LEKR1: variants seen among roughly 807,000 people sequenced by gnomAD.
The protein encoded by LEKR1 is leucine, glutamate and lysine rich 1.
In LEKR1, 59 loss-of-function variants were observed where a neutral mutation model predicts 72.4. That is an observed-to-expected ratio of 0.82 (90% CI 0.66 to 1.01). LEKR1 has a LOEUF of 1.01. LEKR1 is among the 50% of genes least tolerant of loss of function. The pLI, the probability that LEKR1 is intolerant of heterozygous loss-of-function variation, is 0.00. For synonymous variants in LEKR1, 257 were observed against 263.2 expected (o/e 0.98, Z 0.23); for missense variants, 728 against 759.2 (o/e 0.96, Z 0.48).
intron 3 of LEKR1, among the ~76,000 whole-genome samples, chr3:156,856,144 T>C (rs549436781): frequency 6.6e-6 from 1 of 152,302 alleles, no homozygotes; most frequent in African/African-American, 2.4e-5. Context: ...ATTTTGTATA[T>C]AATTTGAGGT....
chr3:157,021,218 A>G (rs1733809637), intron 10 of LEKR1, among the ~76,000 whole-genome samples: 1 of 151,854 alleles, frequency 6.6e-6, no homozygotes, highest in African/African-American at 2.4e-5. Context: ...ATTTTCTCCC[A>G]TTTTATAGGT....
At chr3:156,899,323 TAC>T (rs1721564371) in intron 3 of LEKR1, among the ~76,000 whole-genome samples, 1 of 128,540 alleles carries the variant, frequency 7.8e-6, no homozygotes, top group African/African-American at 3.1e-5. Context: ...CATGTATATA[TAC>T]ATATATACAT....
At chr3:156,872,920 C>T (rs1476505177) in intron 3 of LEKR1, among the ~76,000 whole-genome samples, 2 of 151,920 alleles carry the variant, frequency 1.3e-5, no homozygotes, top group African/African-American at 4.8e-5. Flanking sequence ...TATTCTATAG[C>T]TGTTAGAGGA....
intron 2 of LEKR1, among the ~76,000 whole-genome samples, chr3:156,849,683 GC>G (rs1395572117): frequency 6.6e-6 from 1 of 152,186 alleles, no homozygotes; most frequent in Non-Finnish European, 1.5e-5. Context: ...AATAAATGAT[GC>G]TGGGAAAACT....
At chr3:156,844,510 A>G (rs1052049101) in intron 2 of LEKR1, among the ~76,000 whole-genome samples, 1 of 152,050 alleles carries the variant, frequency 6.6e-6, no homozygotes, top group Non-Finnish European at 1.5e-5. Context: ...CATTCACCTT[A>G]ACTTCCCCAA....
chr3:156,992,887 A>G (rs1445171119), intron 8 of LEKR1, among the ~76,000 whole-genome samples, 157 bp downstream of exon 8: 1 of 152,132 alleles, frequency 6.6e-6, no homozygotes, highest in Non-Finnish European at 1.5e-5. Context: ...GCAGTTGGTT[A>G]TTGCTGTTGC....
At position 157,005,999 on chromosome 3, in the gene LEKR1, A is replaced by ATTT. The variant is rs748719503; in HGVS notation, c.1110-5399_1110-5397dup. ...AAACCACAATAAGATACTACTATAC[A>ATTT]TTTTTTTTTTTTTTTTTGAGACGGA... On this transcript the variant is annotated intron_variant, in intron 9 of 12. Transcript: ENST00000356539. Among the ~76,000 whole-genome samples, 96 of 140,970 alleles carry ATTT rather than the reference A, an allele frequency of 6.8e-4. 1 individual carries two copies. The highest frequency in any genetic ancestry group is 4.0e-3 in the Middle Eastern group (1 of 250). The allele number at this position is 140,970 out of a possible 152,430, so 92.5% of individuals were successfully genotyped here. A position where few individuals can be genotyped will look rare whatever the true frequency, so the allele number is the denominator to read the frequency against.
At chr3:156,964,581 G>A (rs1728398362) in intron 6 of LEKR1, among the ~76,000 whole-genome samples, 1 of 152,040 alleles carries the variant, frequency 6.6e-6, no homozygotes, top group Non-Finnish European at 1.5e-5. Context: ...GAGTAGTTTT[G>A]TAGCATGAAA....
chr3:156,940,086 A>G (rs1194654285), intron 5 of LEKR1, among the ~76,000 whole-genome samples: 3 of 152,142 alleles, frequency 2.0e-5, no homozygotes, highest in African/African-American at 7.2e-5. Flanking sequence ...ATCTTCAACT[A>G]GTGGTATATT....
At chr3:156,920,447 A>G in intron 3 of LEKR1, 128 bp from the exon 4 acceptor site, 1 of 592,788 alleles carries the variant, frequency 1.7e-6, no homozygotes, top group Non-Finnish European at 2.8e-6. Flanking sequence ...CTGTACATTC[A>G]TATAGCATAT....
At chr3:156,887,956 A>G (rs972407892) in intron 3 of LEKR1, among the ~76,000 whole-genome samples, 2 of 152,200 alleles carry the variant, frequency 1.3e-5, no homozygotes, top group African/African-American at 4.8e-5. Flanking sequence ...CAAACTCAAG[A>G]TAGTTGACCA....
intron 11 of LEKR1, among the ~76,000 whole-genome samples, chr3:157,025,757 G>C (rs1734139171): frequency 6.6e-6 from 1 of 152,126 alleles, no homozygotes; most frequent in African/African-American, 2.4e-5. Context: ...TGGGCATGGT[G>C]GCTCATGCCT....
intron 3 of LEKR1, among the ~76,000 whole-genome samples, chr3:156,910,987 C>T (rs989642606): frequency 3.9e-5 from 6 of 152,144 alleles, no homozygotes; most frequent in African/African-American, 9.6e-5. Context: ...CTCTGCAGCC[C>T]GGCCAGCATG....
chr3:156,841,944 C>G (rs1713961406), intron 2 of LEKR1, among the ~76,000 whole-genome samples: 1 of 152,142 alleles, frequency 6.6e-6, no homozygotes, highest in Non-Finnish European at 1.5e-5. Context: ...TGAGCATTAC[C>G]GTCTGAGCTC....
At chr3:156,910,084 A>G (rs528911182) in intron 3 of LEKR1, among the ~76,000 whole-genome samples, 1 of 152,238 alleles carries the variant, frequency 6.6e-6, no homozygotes, top group Non-Finnish European at 1.5e-5. Context: ...TTAAGTGGGG[A>G]TGAAAAAAGA....
At chr3:157,009,801 T>A (rs1732743900) in intron 9 of LEKR1, among the ~76,000 whole-genome samples, 1 of 152,060 alleles carries the variant, frequency 6.6e-6, no homozygotes, top group African/African-American at 2.4e-5. Flanking sequence ...TATATCAAGT[T>A]TTGCTTTATA....
intron 3 of LEKR1, among the ~76,000 whole-genome samples, chr3:156,886,219 G>T (rs545525850): frequency 2.6e-5 from 4 of 152,166 alleles, no homozygotes; most frequent in Admixed American, 2.6e-4. Context: ...AATATAGTTT[G>T]CCAGGGAAGT....
rs1380967925 is a variant in LEKR1, at chr3:157,024,940, G to A, written c.1368+16G>A. The A allele has an allele frequency of 5.9e-6, 9 of 1,514,246 alleles. No individual in the cohort carries two copies. Among genetic ancestry groups the A allele is most frequent in the South Asian group, 2.4e-5 (2 of 84,134 alleles). 93.8% of individuals were successfully genotyped at this position (1,514,246 alleles called of 1,614,324 possible). On this transcript the variant is annotated intron_variant, in intron 11 of 12. Transcript: ENST00000356539. ...ACAAATGAAGGTCTGTAATTATGAT[G>A]TTCATCATTATTTAATAGATTTGAA... is the stretch of plus-strand genomic sequence containing the variant.
intron 3 of LEKR1, among the ~76,000 whole-genome samples, chr3:156,882,548 TTGG>T (rs1487669305): frequency 1.3e-5 from 2 of 152,090 alleles, no homozygotes; most frequent in Non-Finnish European, 2.9e-5. Flanking sequence ...TTTTACACTG[TTGG>T]TGGGAGTGTA....
Sources: allele counts gnomAD v4.1 joint callset (sites outside exome capture counted in the v4.1 genomes callset), GRCh38; gene constraint gnomAD v4.1.1; transcripts MANE v1.5; gene names NCBI Gene and HGNC (gene_info 2026-07-23, HGNC 2026-07-21).